Variants in RABGAP1L observed in about 807,000 individuals in gnomAD.
RABGAP1L encodes rab GTPase-activating protein 1-like.
In RABGAP1L, 63 loss-of-function variants were observed where a neutral mutation model predicts 137.7. The observed-to-expected ratio is 0.46, with a 90% CI of 0.37 to 0.56. The LOEUF (loss-of-function observed/expected upper bound fraction) is 0.56. Among genes scored for constraint, RABGAP1L ranks in the 20% least tolerant of loss-of-function variants. The probability of loss-of-function intolerance (pLI) is 0.00; values close to 1 mark genes in which losing one functional copy is unlikely to be tolerated. For missense variants in RABGAP1L, 1,095 were observed against 1,244.0 expected (o/e 0.88, Z 1.80); for synonymous variants, 431 against 433.7 (o/e 0.99, Z 0.08).
intron 25 of RABGAP1L, among the ~76,000 whole-genome samples, chr1:174,989,302 G>A (rs1033197695): frequency 6.6e-6 from 1 of 152,032 alleles, no homozygotes. Flanking sequence ...CCATATTGGC[G>A]CATAATATAA....
chr1:174,666,190 T>C (rs1439326176), intron 14 of RABGAP1L, among the ~76,000 whole-genome samples: 1 of 152,236 alleles, frequency 6.6e-6, no homozygotes, highest in Admixed American at 6.5e-5. Context: ...TCCCCTGACA[T>C]ACTCATTTAA....
chr1:174,509,873 C>T (rs1018186696), intron 13 of RABGAP1L, among the ~76,000 whole-genome samples: 3 of 152,160 alleles, frequency 2.0e-5, no homozygotes, highest in Non-Finnish European at 4.4e-5. Flanking sequence ...TTTACACATC[C>T]AACTAAAGTC....
intron 19 of RABGAP1L, among the ~76,000 whole-genome samples, chr1:174,951,803 G>A (rs911588035): frequency 6.6e-6 from 1 of 152,078 alleles, no homozygotes; most frequent in Non-Finnish European, 1.5e-5. Context: ...AATGGAGAGC[G>A]GAGTCTACAC....
Position 174,305,036 on chromosome 1 carries a change from G to C in RABGAP1L, c.1374G>C (p.Val458=). The change falls in exon 11 of 26, where the codon GTG becomes GTC. Residue 458 remains valine, a synonymous_variant. Coordinates refer to ENST00000681986, the MANE Select transcript of RABGAP1L (RefSeq NM_001366446.1). ...CTGGAGATGCAATATATGAGGTGGT[G>C]AGTCTACAGCGAGAGTCTGACAAGG... ...TNAGDAIYEV[V]SLQRESDKEE... 1 of 1,564,586 alleles carries C rather than the reference G, an allele frequency of 6.4e-7. No individual in the cohort carries two copies. The highest frequency in any genetic ancestry group is 8.6e-7 in the Non-Finnish European group (1 of 1,159,796).
At chr1:174,656,082 A>T (rs755458743) in intron 14 of RABGAP1L, among the ~76,000 whole-genome samples, 1 of 152,166 alleles carries the variant, frequency 6.6e-6, no homozygotes, top group Non-Finnish European at 1.5e-5. Context: ...ACATATATGC[A>T]TGTGTGTGTG....
intron 13 of RABGAP1L, among the ~76,000 whole-genome samples, chr1:174,603,616 C>G (rs1670574086): frequency 1.3e-5 from 2 of 152,112 alleles, no homozygotes; most frequent in Admixed American, 1.3e-4. Context: ...CTTCTTTCCT[C>G]AAGTATAAAG....
chr1:174,547,228 T>C (rs10912807), intron 13 of RABGAP1L, among the ~76,000 whole-genome samples: 88,262 of 151,740 alleles, frequency 0.58, 27,970 homozygotes, highest in African/African-American at 0.85. Flanking sequence ...GGTATAATTA[T>C]AGTAGCCTTT....
chr1:174,488,154 C>A (rs1018538972), intron 13 of RABGAP1L, among the ~76,000 whole-genome samples: 4 of 151,938 alleles, frequency 2.6e-5, no homozygotes, highest in African/African-American at 9.7e-5. Flanking sequence ...TTTCTTATTG[C>A]TCATTAATGT....
At chr1:174,766,718 A>T (rs1313184186) in intron 18 of RABGAP1L, among the ~76,000 whole-genome samples, 1 of 152,200 alleles carries the variant, frequency 6.6e-6, no homozygotes, top group African/African-American at 2.4e-5. Flanking sequence ...ATGAAATCCT[A>T]AGCCCCCTGA....
chr1:174,801,172 G>A (rs1225375234), intron 18 of RABGAP1L, among the ~76,000 whole-genome samples: 5 of 152,074 alleles, frequency 3.3e-5, no homozygotes, highest in South Asian at 4.1e-4. Flanking sequence ...ACCCACAATC[G>A]CTGTTGCAGG....
intron 15 of RABGAP1L, among the ~76,000 whole-genome samples, chr1:174,694,906 ATGGTATCTCAT>A (rs1679138528): frequency 6.6e-6 from 1 of 151,108 alleles, no homozygotes; most frequent in African/African-American, 2.4e-5. Flanking sequence ...CTGGTGTGAG[ATGGTATCTCAT>A]TGTGGTTTTG....
intron 13 of RABGAP1L, among the ~76,000 whole-genome samples, chr1:174,443,101 T>C (rs1438203187): frequency 2.6e-5 from 4 of 152,132 alleles, no homozygotes; most frequent in Non-Finnish European, 5.9e-5. Flanking sequence ...TATTGCTTTT[T>C]TTCCCCACCT....
At chr1:174,443,688 T>C (rs1654409591) in intron 13 of RABGAP1L, among the ~76,000 whole-genome samples, 1 of 152,096 alleles carries the variant, frequency 6.6e-6, no homozygotes, top group South Asian at 2.1e-4. Context: ...TAGCTTAATA[T>C]CATCCTGTTT....
intron 18 of RABGAP1L, among the ~76,000 whole-genome samples, chr1:174,809,772 G>A (rs1262249894): frequency 1.3e-5 from 2 of 152,186 alleles, no homozygotes; most frequent in Non-Finnish European, 2.9e-5. Flanking sequence ...TGTGAAAAAC[G>A]AAGCCTAGGG....
chr1:174,621,243 A>T (rs1672433375), intron 13 of RABGAP1L, among the ~76,000 whole-genome samples: 1 of 152,224 alleles, frequency 6.6e-6, no homozygotes, highest in Non-Finnish European at 1.5e-5. Context: ...GCTCATGGGT[A>T]GGAAGAATCA....
rs56199565 is a variant in RABGAP1L at position 174,640,992 on chromosome 1, G to C, written c.1824+3504G>C. On this transcript the variant is annotated intron_variant, in intron 14 of 25. Coordinates refer to ENST00000681986, the MANE Select transcript of RABGAP1L (RefSeq NM_001366446.1). Reference sequence around the variant, plus strand: ...ATTATATTAATTAAATATAATTTTAGATTATATTAATTAAATATAATTAAT... The same window carrying C: ...ATTATATTAATTAAATATAATTTTACATTATATTAATTAAATATAATTAAT... Among the ~76,000 whole-genome samples the C allele has an allele frequency of 2.7e-5, 4 of 145,780 alleles. No individual in the cohort carries two copies. In the South Asian group the frequency reaches 8.5e-4, roughly 31 times the overall value.
chr1:174,560,814 G>T (rs905887800), intron 13 of RABGAP1L, among the ~76,000 whole-genome samples: 1 of 152,090 alleles, frequency 6.6e-6, no homozygotes, highest in Non-Finnish European at 1.5e-5. Context: ...AGAACATGTG[G>T]TATTTGGTTT....
intron 13 of RABGAP1L, among the ~76,000 whole-genome samples, chr1:174,590,258 G>A (rs1205647470): frequency 1.4e-5 from 2 of 141,478 alleles, no homozygotes; most frequent in East Asian, 2.1e-4. Context: ...AACAACTTTT[G>A]GTTAAATAAA....
chr1:174,836,213 A>G (rs1692731870), intron 19 of RABGAP1L, among the ~76,000 whole-genome samples: 1 of 152,088 alleles, frequency 6.6e-6, no homozygotes, highest in Non-Finnish European at 1.5e-5. Flanking sequence ...ATACATGACC[A>G]GGCAAATTGA....
Sources: gnomAD v4.1 joint callset for allele counts (sites outside exome capture counted in the v4.1 genomes callset) on GRCh38, gnomAD v4.1.1 for gene constraint, MANE v1.5 for transcripts, NCBI Gene and HGNC (gene_info 2026-07-23, HGNC 2026-07-21) for gene names.